Variants in CFAP20DC observed in about 807,000 individuals in gnomAD.
CFAP20DC encodes CFAP20 domain containing, also known as protein CFAP20DC.
CFAP20DC carries 84 observed loss-of-function variants against 101.7 expected under a neutral mutation model. The observed-to-expected ratio is 0.83, with a 90% CI of 0.69 to 0.99. CFAP20DC has a LOEUF of 0.99. Among genes scored for constraint, CFAP20DC ranks in the 50% least tolerant of loss-of-function variants. The probability of loss-of-function intolerance (pLI) is 0.00; values close to 1 mark genes in which losing one functional copy is unlikely to be tolerated. For synonymous variants in CFAP20DC, 359 were observed against 351.2 expected (o/e 1.02, Z -0.25); for missense variants, 1,007 against 970.3 (o/e 1.04, Z -0.50).
chr3:58,752,742 C>T (rs1410608427), intron 16 of CFAP20DC, among the ~76,000 whole-genome samples: 1 of 152,054 alleles, frequency 6.6e-6, no homozygotes, highest in Non-Finnish European at 1.5e-5. Context: ...ATCCCTTGGG[C>T]GGCCAAAACG....
rs6774031 is a variant in CFAP20DC, at chr3:59,020,328, G to C, written c.278+19229C>G. 4.2e-3 allele frequency among the ~76,000 whole-genome samples: 639 copies of C among 152,072 alleles called. 7 individuals are homozygous for C. The highest frequency in any genetic ancestry group is 0.015 in the African/African-American group (616 of 41,500). The stretch of plus-strand genomic sequence containing the variant: ...TTCTGTTTGTTTTACAATAAAGTAT[G>C]AGTATATCTTATAGACATAACATTT... On this transcript the variant is annotated intron_variant, in intron 4 of 16. Coordinates refer to ENST00000482387, the MANE Select transcript of CFAP20DC (RefSeq NM_001394063.1).
rs1439345539 is a variant in CFAP20DC, at chr3:58,998,325, A to G, written c.278+41232T>C. 2.6e-5 allele frequency among the ~76,000 whole-genome samples: 4 copies of G among 152,302 alleles called. No individual in the cohort carries two copies. In the South Asian group the frequency reaches 8.3e-4, roughly 32 times the overall value. The stretch of plus-strand genomic sequence containing the variant: ...TTTTGTTCCTTGCAAACTGTATATG[A>G]CTGTGGAGAATTTAGCTATCCTCTG... On this transcript the variant is annotated intron_variant, in intron 4 of 16. Transcript: ENST00000482387.
At chr3:58,745,190 A>G (rs1413553381) in intron 16 of CFAP20DC, among the ~76,000 whole-genome samples, 1 of 152,176 alleles carries the variant, frequency 6.6e-6, no homozygotes, top group Non-Finnish European at 1.5e-5. Context: ...GACCCCCTTT[A>G]GATCACTTTT....
At chr3:58,918,381 C>T (rs1004080326) in intron 5 of CFAP20DC, among the ~76,000 whole-genome samples, 1 of 152,134 alleles carries the variant, frequency 6.6e-6, no homozygotes, top group Non-Finnish European at 1.5e-5. Context: ...TCCTGTCACT[C>T]CTACAGATGC....
intron 15 of CFAP20DC, among the ~76,000 whole-genome samples, chr3:58,766,275 T>C (rs1575589408): frequency 6.6e-6 from 1 of 152,124 alleles, no homozygotes; most frequent in African/African-American, 2.4e-5. Context: ...AGGCAGTGGG[T>C]AGGATTTGGG....
intron 12 of CFAP20DC, among the ~76,000 whole-genome samples, chr3:58,853,963 T>C (rs2078508725): frequency 6.6e-6 from 1 of 151,758 alleles, no homozygotes; most frequent in African/African-American, 2.4e-5. Flanking sequence ...CTATTCAACA[T>C]AGTGTTGGAA....
chr3:58,853,794 C>A (rs1262613828), intron 12 of CFAP20DC, among the ~76,000 whole-genome samples: 3 of 152,144 alleles, frequency 2.0e-5, no homozygotes, highest in African/African-American at 7.2e-5. Flanking sequence ...ACGCTTCATG[C>A]TAAGAACTCT....
At chr3:58,926,834 T>A (rs1335227692) in intron 5 of CFAP20DC, among the ~76,000 whole-genome samples, 2 of 152,250 alleles carry the variant, frequency 1.3e-5, no homozygotes, top group African/African-American at 4.8e-5. Context: ...GACTCTGGCA[T>A]TGTAATTTAT....
chr3:58,856,119 C>G (rs746215766), intron 12 of CFAP20DC, among the ~76,000 whole-genome samples: 69 of 149,694 alleles, frequency 4.6e-4, no homozygotes, highest in Non-Finnish European at 8.4e-4. Context: ...ATCAATAATA[C>G]TAAAAAAAAA....
chr3:58,842,371 G>T (rs931264327), intron 13 of CFAP20DC, among the ~76,000 whole-genome samples: 1 of 152,210 alleles, frequency 6.6e-6, no homozygotes, highest in South Asian at 2.1e-4. Context: ...AGGGGTCAGG[G>T]AGTTCCCTTT....
At chr3:58,828,263 G>C (rs747295549) in intron 14 of CFAP20DC, among the ~76,000 whole-genome samples, 1 of 152,118 alleles carries the variant, frequency 6.6e-6, no homozygotes, top group Non-Finnish European at 1.5e-5. Context: ...TAATAATAAT[G>C]ACAGCTAAAC....
At chr3:58,921,943 T>C (rs1160373115) in intron 5 of CFAP20DC, among the ~76,000 whole-genome samples, 2 of 152,234 alleles carry the variant, frequency 1.3e-5, no homozygotes, top group Non-Finnish European at 2.9e-5. Context: ...CTTATCATTG[T>C]GAAACATCTC....
At position 58,868,012 on chromosome 3, in the gene CFAP20DC, T is replaced by G. The variant is rs2079838353; in HGVS notation, c.1016-76A>C. ...CTTGAAGTAACTCAGTAAATATAAT[T>G]ATCACTATAATGAGAATATTCATGT... is the stretch of plus-strand genomic sequence containing the variant. On this transcript the variant is annotated intron_variant, in intron 9 of 16. Transcript: ENST00000482387. The surrounding 1 kb of genome is among the most constrained non-coding windows in gnomAD (Gnocchi z 4.6). 1 of 1,410,016 alleles carries G rather than the reference T, an allele frequency of 7.1e-7. No individual in the cohort carries two copies. Among genetic ancestry groups the G allele is most frequent in the East Asian group, 2.4e-5 (1 of 41,288 alleles). 87.3% of individuals were successfully genotyped at this position (1,410,016 alleles called of 1,614,324 possible).
intron 3 of CFAP20DC, among the ~76,000 whole-genome samples, chr3:59,044,938 C>A (rs1222840756): frequency 6.6e-6 from 1 of 151,738 alleles, no homozygotes; most frequent in Admixed American, 6.6e-5. Context: ...TAGTTCACCT[C>A]ATTTATAAGT....
chr3:58,971,260 GATTCA>G lies in CFAP20DC; in HGVS notation c.279-33503_279-33499del, dbSNP rs2091932465. On this transcript the variant is annotated intron_variant, in intron 4 of 16. Coordinates refer to ENST00000482387, the MANE Select transcript of CFAP20DC (RefSeq NM_001394063.1). The surrounding 1 kb of genome is among the most constrained non-coding windows in gnomAD (Gnocchi z 4.1). ...TTTCACAAATCACAAATCAGTTAAG[GATTCA>G]CAATTATCAACACAAACTATGATTA... Among the ~76,000 whole-genome samples the G allele has an allele frequency of 6.6e-6, 1 of 152,084 alleles. No homozygotes were observed.
At chr3:59,042,602 T>G (rs1699496908) in intron 3 of CFAP20DC, among the ~76,000 whole-genome samples, 1 of 152,116 alleles carries the variant, frequency 6.6e-6, no homozygotes, top group Admixed American at 6.5e-5. Context: ...CACCAGATAC[T>G]GCAGAGTCCT....
chr3:58,825,580 A>G (rs2075987754), intron 14 of CFAP20DC, among the ~76,000 whole-genome samples: 1 of 151,566 alleles, frequency 6.6e-6, no homozygotes, highest in Non-Finnish European at 1.5e-5. Flanking sequence ...GCTATTGTCA[A>G]TCAAAATCCC....
intron 5 of CFAP20DC, among the ~76,000 whole-genome samples, chr3:58,918,155 A>G (rs191135424): frequency 6.6e-6 from 1 of 152,204 alleles, no homozygotes; most frequent in East Asian, 1.9e-4. Flanking sequence ...TTTCTGAGAT[A>G]TTACTTCTCC....
At chr3:58,755,591 G>GT (rs1442148427) in intron 15 of CFAP20DC, among the ~76,000 whole-genome samples, 5 of 152,146 alleles carry the variant, frequency 3.3e-5, no homozygotes, top group African/African-American at 1.2e-4. Context: ...GTTACGAAAT[G>GT]TAAGACACTC....
Sources: allele counts gnomAD v4.1 joint callset (sites outside exome capture counted in the v4.1 genomes callset), GRCh38; gene constraint gnomAD v4.1.1; non-coding constraint Gnocchi (gnomAD v3.1); transcripts MANE v1.5; gene names NCBI Gene and HGNC (gene_info 2026-07-23, HGNC 2026-07-21).